Variants in ADGRV1 observed in about 807,000 individuals in gnomAD.
ADGRV1 encodes the protein adhesion G protein-coupled receptor V1, also known as G-protein coupled receptor 98.
ADGRV1 carries 359 observed loss-of-function variants against 596.2 expected under a neutral mutation model. The ratio of observed to expected loss-of-function variants is 0.60; its 90% confidence interval spans 0.55 to 0.66. ADGRV1 has a LOEUF of 0.66. Among genes scored for constraint, ADGRV1 ranks in the 30% least tolerant of loss-of-function variants. The probability of loss-of-function intolerance (pLI) is 0.00; values close to 1 mark genes in which losing one functional copy is unlikely to be tolerated. For missense variants in ADGRV1, 7,274 were observed against 7,575.6 expected (o/e 0.96, Z 1.48); for synonymous variants, 2,681 against 2,679.2 (o/e 1.00, Z -0.02).
chr5:90,849,445 A>C (rs1766259365), intron 79 of ADGRV1, among the ~76,000 whole-genome samples: 1 of 152,280 alleles, frequency 6.6e-6, no homozygotes, highest in South Asian at 2.1e-4. Context: ...GCTGGAGTGC[A>C]ATGGCGGGGT....
intron 71 of ADGRV1, 73 bp from the exon 72 acceptor site, chr5:90,805,211 C>G: frequency 7.7e-7 from 1 of 1,299,912 alleles, no homozygotes; most frequent in African/African-American, 1.5e-5. Flanking sequence ...GGAAAGTTTA[C>G]GTTTAACCCA....
chr5:90,587,474 A>G (rs1758908981), intron 1 of ADGRV1, among the ~76,000 whole-genome samples: 1 of 151,502 alleles, frequency 6.6e-6, no homozygotes. Context: ...CGTGATACTG[A>G]TATTTCCAGT....
chr5:90,696,265 C>G (rs1317829463), intron 33 of ADGRV1, among the ~76,000 whole-genome samples: 1 of 152,074 alleles, frequency 6.6e-6, no homozygotes, highest in East Asian at 1.9e-4. Flanking sequence ...TCTACTAGAT[C>G]AAATTGCAAA....
At chr5:91,128,012 T>G (rs1344195491) in intron 87 of ADGRV1, among the ~76,000 whole-genome samples, 1 of 152,052 alleles carries the variant, frequency 6.6e-6, no homozygotes, top group Admixed American at 6.6e-5. Context: ...TCAACAGCCT[T>G]GTCCTCAAAA....
At position 90,635,246 on chromosome 5, in the gene ADGRV1, C is replaced by T; in HGVS notation, c.1972C>T (p.Leu658Phe). 6.2e-7 allele frequency: 1 copy of T among 1,612,694 alleles called. No homozygotes were observed. The highest frequency in any genetic ancestry group is 8.5e-7 in the Non-Finnish European group (1 of 1,179,518). Residue 658 changes from leucine (L) to phenylalanine (F), a missense_variant, in exon 10 of 90, where the codon CTT becomes TTT. Coordinates refer to ENST00000405460, the MANE Select transcript of ADGRV1 (RefSeq NM_032119.4). The part of the protein sequence containing the change: ...ANGEIGFLSN[L>F]PIILHEPEDF... ...TGGAGAAATTGGCTTTCTCAGCAATCTTCCAATTATTTTGCATGAACCAGA... is the reference window on the plus strand; with the variant it reads ...TGGAGAAATTGGCTTTCTCAGCAATTTTCCAATTATTTTGCATGAACCAGA...
chr5:90,814,439 T>G (rs533577291), intron 74 of ADGRV1, among the ~76,000 whole-genome samples: 1 of 152,232 alleles, frequency 6.6e-6, no homozygotes, highest in Admixed American at 6.5e-5. Flanking sequence ...CATGATAATA[T>G]GGTTTGGCTC....
intron 27 of ADGRV1, among the ~76,000 whole-genome samples, chr5:90,683,153 GT>G (rs1561518619): frequency 6.6e-6 from 1 of 152,040 alleles, no homozygotes; most frequent in Non-Finnish European, 1.5e-5. Flanking sequence ...TAGAAGCTAC[GT>G]TTTTTTCATC....
At chr5:91,017,211 A>G (rs1327947175) in intron 85 of ADGRV1, among the ~76,000 whole-genome samples, 1 of 151,972 alleles carries the variant, frequency 6.6e-6, no homozygotes, top group African/African-American at 2.4e-5. Context: ...TCTGTCTTGC[A>G]ATACTGATTG....
rs1173275857 is a variant in ADGRV1, at chr5:90,672,709, G to A, written c.4916G>A (p.Trp1639Ter). Residue 1639 changes from tryptophan to a stop codon, truncating the protein, a stop_gained, in exon 22 of 90, where the codon TGG (tryptophan) becomes TAG (stop). Transcript: ENST00000405460. LOFTEE classifies it high-confidence loss of function. ...AGTGGAACTATTACATTCCTTCCTT[G>A]GCAGAGATCAGAGGTAAACCCTACC... is the stretch of plus-strand genomic sequence containing the variant. ...NASGTITFLP[W>*]QRSEVLNIYV... is the part of the protein sequence containing the mutation. The A allele has an allele frequency of 1.2e-6, 2 of 1,611,204 alleles. No homozygotes were observed. The highest frequency in any genetic ancestry group is 1.7e-6 in the Non-Finnish European group (2 of 1,178,394).
chr5:91,095,575 T>G (rs1452654426), intron 86 of ADGRV1, among the ~76,000 whole-genome samples: 1 of 152,148 alleles, frequency 6.6e-6, no homozygotes, highest in African/African-American at 2.4e-5. Context: ...TGTTAATCCT[T>G]GTCAGGAAAC....
chr5:90,674,346 C>T (rs968718821), intron 23 of ADGRV1, 112 bp downstream of exon 23: 29 of 607,218 alleles, frequency 4.8e-5, no homozygotes, highest in South Asian at 2.5e-4. Flanking sequence ...GCCTTCAGAC[C>T]TCCTAATTTC....
At chr5:90,852,943 A>G (rs1766674592) in intron 79 of ADGRV1, among the ~76,000 whole-genome samples, 2 of 152,220 alleles carry the variant, frequency 1.3e-5, no homozygotes, top group South Asian at 4.1e-4. Flanking sequence ...TATTCCAGCA[A>G]TGCTGATGTG....
intron 83 of ADGRV1, among the ~76,000 whole-genome samples, chr5:90,924,477 TG>T (rs1214946269): frequency 1.3e-5 from 2 of 151,220 alleles, no homozygotes; most frequent in Admixed American, 1.3e-4. Context: ...TTGAGGGGGT[TG>T]TTTTTTTTTT....
chr5:91,036,293 G>A (rs1409311740), intron 85 of ADGRV1, among the ~76,000 whole-genome samples: 1 of 152,046 alleles, frequency 6.6e-6, no homozygotes, highest in Non-Finnish European at 1.5e-5. Flanking sequence ...GAAGCCAGAA[G>A]TTCTAGACCA....
At chr5:90,824,890 CT>C (rs1183325116) in intron 76 of ADGRV1, among the ~76,000 whole-genome samples, 1 of 152,042 alleles carries the variant, frequency 6.6e-6, no homozygotes, top group African/African-American at 2.4e-5. Flanking sequence ...TCATGCATTT[CT>C]TCCAAATATT....
rs766331401 is a variant in ADGRV1, at chr5:91,164,070, G to T, written c.*170G>T. ...ATAAATTACTGATTGTATGTGACCTGAAAATTCACTGCTATAAGAAAGGTG... is the reference window on the plus strand; with the variant it reads ...ATAAATTACTGATTGTATGTGACCTTAAAATTCACTGCTATAAGAAAGGTG... On this transcript the variant is annotated 3_prime_UTR_variant, in exon 90 of 90. Coordinates refer to ENST00000405460, the MANE Select transcript of ADGRV1 (RefSeq NM_032119.4). 9 of 687,186 alleles carry T rather than the reference G, an allele frequency of 1.3e-5. No homozygotes were observed. Among genetic ancestry groups the T allele is most frequent in the Non-Finnish European group, 2.1e-5 (8 of 375,960 alleles). The allele number at this position is 687,186 out of a possible 1,614,324, so 42.6% of individuals were successfully genotyped here.
In ADGRV1 at chr5:90,860,901, CTTAAG is replaced by C. The variant is rs532054676; in HGVS notation, c.17756-2852_17756-2848del. Among the ~76,000 whole-genome samples, 25 of 152,130 alleles carry C rather than the reference CTTAAG, an allele frequency of 1.6e-4. No individual in the cohort carries two copies. The East Asian group carries it at 3.5e-3, about 21-fold the overall frequency. On this transcript the variant is annotated intron_variant, in intron 82 of 89. Transcript: ENST00000405460. The stretch of plus-strand genomic sequence containing the variant: ...AATACTTGTCTTGTGAAAGAGTAAA[CTTAAG>C]TTATTTGGAAAGTATCTCTCATTCT...
At chr5:90,754,935 G>A in intron 54 of ADGRV1, 48 bp from the exon 55 acceptor site, 1 of 1,337,470 alleles carries the variant, frequency 7.5e-7, no homozygotes, top group South Asian at 1.2e-5. Flanking sequence ...TAACAGCATT[G>A]ACAGCAAATA....
intron 29 of ADGRV1, 118 bp downstream of exon 29, chr5:90,686,113 G>C: frequency 5.5e-6 from 2 of 362,910 alleles, no homozygotes; most frequent in East Asian, 7.4e-5. Flanking sequence ...TAGAAAACTA[G>C]AAATACTCTT....
Sources: allele counts gnomAD v4.1 joint callset (sites outside exome capture counted in the v4.1 genomes callset), GRCh38; gene constraint gnomAD v4.1.1; transcripts MANE v1.5; gene names NCBI Gene and HGNC (gene_info 2026-07-23, HGNC 2026-07-21).